Variants in NFKBIZ observed in about 807,000 individuals in gnomAD.
The protein encoded by NFKBIZ is NF-kappa-B inhibitor zeta.
NFKBIZ carries 19 observed loss-of-function variants against 76.8 expected under a neutral mutation model. That is an observed-to-expected ratio of 0.25 (90% confidence interval 0.17 to 0.36). NFKBIZ has a LOEUF of 0.36. Ranked by LOEUF, NFKBIZ falls within the 10% of genes least tolerant of loss-of-function variation. NFKBIZ has a pLI of 1.00. For missense variants in NFKBIZ, 829 were observed against 910.9 expected, an observed-to-expected ratio of 0.91 and a Z score of 1.16; for synonymous variants, 368 against 354.8, an observed-to-expected ratio of 1.04 and a Z score of -0.42.
At chr3:101,832,493 A>G (rs988087891) in intron 2 of NFKBIZ, among the ~76,000 whole-genome samples, 4 of 152,150 alleles carry the variant, frequency 2.6e-5, no homozygotes, top group African/African-American at 9.7e-5. Context: ...GTCCCTGGCA[A>G]CCACCCCTCT....
chr3:101,829,744 G>A (rs1481176256), intron 2 of NFKBIZ: 2 of 152,028 alleles, frequency 1.3e-5, no homozygotes, highest in Non-Finnish European at 2.9e-5. Context: ...CTAGCTTCTG[G>A]CTGATGTCAA....
chr3:101,859,918 T>A lies in NFKBIZ; in HGVS notation c.*547T>A, dbSNP rs1399655219. On this transcript the variant is annotated 3_prime_UTR_variant, in exon 12 of 12. Coordinates refer to ENST00000326172, the MANE Select transcript of NFKBIZ (RefSeq NM_031419.4). ...ATTGTTATTTTTGTCCTTAAAAATATTGTACATACTTGGTTGTTAACATGG... is the reference window on the plus strand; with the variant it reads ...ATTGTTATTTTTGTCCTTAAAAATAATGTACATACTTGGTTGTTAACATGG... The A allele has an allele frequency of 6.6e-6, 1 of 152,364 alleles. No homozygotes were observed. Among genetic ancestry groups the A allele is most frequent in the African/African-American group, 2.4e-5 (1 of 41,448 alleles). The allele number at this position is 152,364 out of a possible 1,614,324, so 9.4% of individuals were successfully genotyped here.
chr3:101,831,776 G>A (rs1015667167), intron 2 of NFKBIZ, among the ~76,000 whole-genome samples: 3 of 152,102 alleles, frequency 2.0e-5, no homozygotes, highest in African/African-American at 7.2e-5. Context: ...GAGTAGCTGG[G>A]ACTACAGGCA....
chr3:101,850,150 G>A (rs2107412275), intron 1 of NFKBIZ: 1 of 409,726 alleles, frequency 2.4e-6, no homozygotes, highest in African/African-American at 2.1e-5. Flanking sequence ...GGGGGCTTCA[G>A]AAACCGCTCG....
intron 9 of NFKBIZ, 77 bp from the exon 10 acceptor site, chr3:101,856,996 A>T: frequency 9.9e-7 from 1 of 1,014,354 alleles, no homozygotes; most frequent in Non-Finnish European, 1.5e-6. Context: ...CATTCAGGAG[A>T]CTGGGTGAAA....
At chr3:101,857,608 G>A (rs1331787943) in intron 11 of NFKBIZ, 149 bp downstream of exon 11, 35 of 1,447,190 alleles carry the variant, frequency 2.4e-5, no homozygotes, top group Non-Finnish European at 2.9e-5. Context: ...TCATAGCATT[G>A]TGGAGTTACT....
At chr3:101,848,316 C>T (rs1018959298), upstream of NFKBIZ, among the ~76,000 whole-genome samples, 2 of 152,180 alleles carry the variant, frequency 1.3e-5, no homozygotes, top group Non-Finnish European at 2.9e-5. Flanking sequence ...TAAAAGGGGA[C>T]TATACACTCT....
chr3:101,855,328 T>G, intron 7 of NFKBIZ, 67 bp from the exon 8 acceptor site: 1 of 1,607,232 alleles, frequency 6.2e-7, no homozygotes, highest in Non-Finnish European at 8.5e-7. Flanking sequence ...TATTCATTTC[T>G]TGGGGATTCT....
In NFKBIZ at chr3:101,849,534, C is replaced by A; in HGVS notation, c.-95C>A. The A allele has an allele frequency of 8.7e-7, 1 of 1,145,892 alleles. No individual in the cohort carries two copies. The highest frequency in any genetic ancestry group is 1.1e-6 in the Non-Finnish European group (1 of 896,952). The allele number at this position is 1,145,892 out of a possible 1,614,324, so 71.0% of individuals were successfully genotyped here. On this transcript the variant is annotated 5_prime_UTR_variant, in exon 1 of 12. Transcript: ENST00000326172. ...CGCCCGTACTGGCCCGCGCCGTCCG[C>A]CCGCCGACAGCTCCCTGAGCCAGCC...
At chr3:101,839,722 T>A (rs1942765108) in intron 2 of NFKBIZ, among the ~76,000 whole-genome samples, 1 of 152,202 alleles carries the variant, frequency 6.6e-6, no homozygotes, top group South Asian at 2.1e-4. Flanking sequence ...CTGTGGATCC[T>A]AAAATTCAAC....
At chr3:101,851,548 G>A (rs190033611) in intron 1 of NFKBIZ, among the ~76,000 whole-genome samples, 129 of 152,324 alleles carry the variant, frequency 8.5e-4, no homozygotes, top group African/African-American at 2.9e-3. Flanking sequence ...TTTGAAAGAA[G>A]TTGTTTTGTG....
chr3:101,848,848 G>T (rs1484198912), upstream of NFKBIZ: 2 of 152,220 alleles, frequency 1.3e-5, no homozygotes, highest in Admixed American at 6.5e-5. Flanking sequence ...TTGCGTCCCA[G>T]CAGATAATTT....
chr3:101,850,028 G>A, intron 1 of NFKBIZ, 111 bp downstream of exon 1: 3 of 1,060,804 alleles, frequency 2.8e-6, no homozygotes, highest in South Asian at 2.7e-5. Flanking sequence ...GAGCTAGGAC[G>A]TACGCACCTT....
chr3:101,835,563 C>T (rs1942708690), intron 2 of NFKBIZ, among the ~76,000 whole-genome samples: 1 of 152,170 alleles, frequency 6.6e-6, no homozygotes, highest in Admixed American at 6.5e-5. Flanking sequence ...TTGTACATGG[C>T]CGCCTTCTCA....
At chr3:101,848,759 T>G (rs1942890714), upstream of NFKBIZ, 1 of 152,270 alleles carries the variant, frequency 6.6e-6, no homozygotes, top group Admixed American at 6.5e-5. Context: ...ATTATTTTGC[T>G]AAGATGGCTT....
At chr3:101,857,608 G>GTGGAGT in intron 11 of NFKBIZ, 149 bp downstream of exon 11, 1 of 1,447,190 alleles carries the variant, frequency 6.9e-7, no homozygotes, top group Non-Finnish European at 9.1e-7. Context: ...TCATAGCATT[G>GTGGAGT]TGGAGTTACT....
rs1017534948 is a variant in NFKBIZ at position 101,852,881 on chromosome 3, T to G, written c.461-5T>G. The G allele has an allele frequency of 1.9e-6, 3 of 1,612,756 alleles. No individual in the cohort carries two copies. Among genetic ancestry groups the G allele is most frequent in the Non-Finnish European group, 2.5e-6 (3 of 1,179,064 alleles). On this transcript the variant is annotated splice_region_variant and splice_polypyrimidine_tract_variant and intron_variant, in intron 3 of 11. Coordinates refer to ENST00000326172, the MANE Select transcript of NFKBIZ (RefSeq NM_031419.4). The stretch of plus-strand genomic sequence containing the variant: ...ATGACAGAGGCTGTATTCCTTTGGG[T>G]ACAGAATTGAAGAACACAGTATCAT...
At chr3:101,837,224 G>A (rs1942731424) in intron 2 of NFKBIZ, among the ~76,000 whole-genome samples, 1 of 152,146 alleles carries the variant, frequency 6.6e-6, no homozygotes, top group Non-Finnish European at 1.5e-5. Context: ...AAAGGTAAAT[G>A]TGAATCTACT....
At chr3:101,846,654 GATTT>G (rs1942856612), upstream of NFKBIZ, among the ~76,000 whole-genome samples, 1 of 152,142 alleles carries the variant, frequency 6.6e-6, no homozygotes, top group Admixed American at 6.5e-5. Flanking sequence ...ACTTTCTACG[GATTT>G]ATTTGAATGG....
Sources: gnomAD v4.1 joint callset for allele counts (sites outside exome capture counted in the v4.1 genomes callset) on GRCh38, gnomAD v4.1.1 for gene constraint, MANE v1.5 for transcripts, NCBI Gene and HGNC (gene_info 2026-07-23, HGNC 2026-07-21) for gene names.